The following SRL variants were observed in gnomAD, a reference collection of about 807,000 sequenced individuals.
SRL encodes the protein sarcalumenin.
SRL carries 23 observed loss-of-function variants against 39.5 expected under a neutral mutation model. The ratio of observed to expected loss-of-function variants is 0.58; its 90% CI spans 0.42 to 0.82. The LOEUF (loss-of-function observed/expected upper bound fraction) is 0.82, where lower values mean the gene tolerates loss of function less well. Among genes scored for constraint, SRL ranks in the 40% least tolerant of loss-of-function variants. The probability of loss-of-function intolerance (pLI) is 0.00; values close to 1 mark genes in which losing one functional copy is unlikely to be tolerated. For synonymous variants in SRL, 272 were observed against 237.4 expected (o/e 1.15, Z -1.34); for missense variants, 592 against 607.8 (o/e 0.97, Z 0.27).
rs150683929 is a variant in SRL, at chr16:4,201,239, G to A, written c.259+1927C>T. ...AATGATCCTCCTGCCTCAGCCTCCC[G>A]AGTAGCTGGGACCACAGGCGCATGC... On this transcript the variant is annotated intron_variant, in intron 3 of 5. Transcript: ENST00000399609. 8.0e-3 allele frequency among the ~76,000 whole-genome samples: 1,197 copies of A among 149,890 alleles called. 11 individuals are homozygous for A. The highest frequency in any genetic ancestry group is 0.028 in the African/African-American group (1,141 of 40,642).
chr16:4,199,474 G>T (rs980236106), intron 3 of SRL, among the ~76,000 whole-genome samples: 1 of 140,674 alleles, frequency 7.1e-6, no homozygotes, highest in Non-Finnish European at 1.5e-5. Context: ...AGGCTCAAGC[G>T]ATCCTCCCAC....
At chr16:4,240,056 C>T (rs543468559) in intron 1 of SRL, among the ~76,000 whole-genome samples, 3 of 152,260 alleles carry the variant, frequency 2.0e-5, no homozygotes, top group East Asian at 3.9e-4. Context: ...GCTGCAGAGC[C>T]CACCACCCCA....
intron 1 of SRL, among the ~76,000 whole-genome samples, chr16:4,212,687 A>G (rs2052409085): frequency 6.6e-6 from 1 of 152,162 alleles, no homozygotes; most frequent in South Asian, 2.1e-4. Context: ...GCACAGGAAT[A>G]GCAGGCCCCA....
intron 1 of SRL, among the ~76,000 whole-genome samples, chr16:4,224,050 T>C (rs997238012): frequency 1.3e-5 from 2 of 151,540 alleles, no homozygotes; most frequent in African/African-American, 2.4e-5. Flanking sequence ...GCAACTACCA[T>C]GGATGGAACT....
At chr16:4,204,878 T>C (rs2052298895) in intron 1 of SRL, among the ~76,000 whole-genome samples, 1 of 152,224 alleles carries the variant, frequency 6.6e-6, no homozygotes. Context: ...CCTTCTTATC[T>C]ATTTATTTCA....
intron 1 of SRL, among the ~76,000 whole-genome samples, chr16:4,238,745 C>G (rs2052740443): frequency 6.6e-6 from 1 of 151,756 alleles, no homozygotes; most frequent in South Asian, 2.1e-4. Context: ...CCCTCGGCCT[C>G]TCAAGTAGCT....
chr16:4,213,032 A>G (rs1479217297), intron 1 of SRL, among the ~76,000 whole-genome samples: 1 of 152,194 alleles, frequency 6.6e-6, no homozygotes, highest in Non-Finnish European at 1.5e-5. Flanking sequence ...ACCTTCAGAG[A>G]CTTGCCCAAG....
chr16:4,233,160 G>A lies in SRL; in HGVS notation c.61+8847C>T, dbSNP rs951670122. 1.3e-4 allele frequency among the ~76,000 whole-genome samples: 20 copies of A among 152,202 alleles called. No homozygotes were observed. The East Asian group carries it at 3.9e-3, about 29-fold the overall frequency. On this transcript the variant is annotated intron_variant, in intron 1 of 5. Transcript: ENST00000399609. ...AGAGCCACTTGGCTCAGCATTCAAGGTTCTTCCCAACTGGCCCCAACTCAT... is the reference window on the plus strand; with the variant it reads ...AGAGCCACTTGGCTCAGCATTCAAGATTCTTCCCAACTGGCCCCAACTCAT...
At chr16:4,202,603 A>C (rs1014164942) in intron 3 of SRL, among the ~76,000 whole-genome samples, 3 of 151,992 alleles carry the variant, frequency 2.0e-5, no homozygotes, top group African/African-American at 7.3e-5. Flanking sequence ...AAAAAAAAAA[A>C]AGCTGGAGGT....
intron 1 of SRL, among the ~76,000 whole-genome samples, chr16:4,220,747 G>C (rs1285548571): frequency 2.0e-5 from 3 of 152,100 alleles, no homozygotes; most frequent in Non-Finnish European, 2.9e-5. Context: ...AAATAACTCT[G>C]GGTGGCTGAG....
At chr16:4,196,518 A>C (rs1427006119) in intron 4 of SRL, among the ~76,000 whole-genome samples, 2 of 124,296 alleles carry the variant, frequency 1.6e-5, no homozygotes, top group Non-Finnish European at 3.2e-5. Flanking sequence ...GTCTCACTCT[A>C]TCGCCCAGGC....
At chr16:4,210,732 C>T (rs2052383285) in intron 1 of SRL, among the ~76,000 whole-genome samples, 1 of 152,160 alleles carries the variant, frequency 6.6e-6, no homozygotes. Flanking sequence ...ATCCACCCAC[C>T]TCAGCCTCTC....
intron 1 of SRL, among the ~76,000 whole-genome samples, chr16:4,231,910 A>G (rs1308093235): frequency 6.6e-6 from 1 of 152,236 alleles, no homozygotes; most frequent in East Asian, 1.9e-4. Flanking sequence ...TTTTCTTATT[A>G]TAGTCACGAA....
At chr16:4,235,778 G>A (rs566669569) in intron 1 of SRL, among the ~76,000 whole-genome samples, 2 of 152,236 alleles carry the variant, frequency 1.3e-5, no homozygotes, top group South Asian at 2.1e-4. Context: ...TATCCACCGC[G>A]CCAATTTCCA....
intron 1 of SRL, among the ~76,000 whole-genome samples, chr16:4,231,547 A>T (rs1253430038): frequency 1.3e-5 from 2 of 152,060 alleles, no homozygotes; most frequent in Non-Finnish European, 2.9e-5. Flanking sequence ...TCCAGGAAGC[A>T]TGCCCCGACA....
chr16:4,237,250 G>C (rs1208940550), intron 1 of SRL, among the ~76,000 whole-genome samples: 2 of 152,108 alleles, frequency 1.3e-5, no homozygotes, highest in African/African-American at 4.8e-5. Flanking sequence ...GCCCAAACTG[G>C]ACTCAAAATC....
At chr16:4,234,792 A>G (rs754882122) in intron 1 of SRL, among the ~76,000 whole-genome samples, 29 of 152,198 alleles carry the variant, frequency 1.9e-4, no homozygotes, top group Non-Finnish European at 3.5e-4. Context: ...TCACCCATTC[A>G]GGACCCAGAA....
chr16:4,236,473 C>T (rs777433149), intron 1 of SRL, among the ~76,000 whole-genome samples: 22 of 152,132 alleles, frequency 1.4e-4, no homozygotes, highest in Non-Finnish European at 2.5e-4. Context: ...ATCTTTGTCT[C>T]TCCCTGGTAC....
chr16:4,210,094 T>C (rs1166740585), intron 1 of SRL, among the ~76,000 whole-genome samples: 3 of 152,244 alleles, frequency 2.0e-5, no homozygotes, highest in Non-Finnish European at 4.4e-5. Flanking sequence ...CCACAGAAAG[T>C]GCTGGAAGAG....
Sources: allele counts gnomAD v4.1 joint callset (sites outside exome capture counted in the v4.1 genomes callset), GRCh38; gene constraint gnomAD v4.1.1; transcripts MANE v1.5; gene names NCBI Gene and HGNC (gene_info 2026-07-23, HGNC 2026-07-21).